Variants in SDHA observed in about 807,000 individuals in gnomAD.
SDHA encodes the protein succinate dehydrogenase [ubiquinone] flavoprotein subunit, mitochondrial.
SDHA carries 48 observed loss-of-function variants against 78.4 expected under a neutral mutation model. The ratio of observed to expected loss-of-function variants is 0.61; its 90% CI spans 0.49 to 0.78. The LOEUF is 0.78. Ranked by LOEUF, SDHA falls within the 30% of genes least tolerant of loss-of-function variation. SDHA has a pLI of 0.00. For missense variants in SDHA, 680 were observed against 892.7 expected (o/e 0.76, Z 3.04); for synonymous variants, 326 against 353.9 (o/e 0.92, Z 0.88).
chr5:235,276 G>T lies in SDHA; in HGVS notation c.1197G>T (p.Pro399=), dbSNP rs771919335. 1 of 1,614,024 alleles carries T rather than the reference G, an allele frequency of 6.2e-7. No individual in the cohort carries two copies. The highest frequency in any genetic ancestry group is 2.2e-5 in the East Asian group (1 of 44,866). Reference sequence around the variant, plus strand: ...CTGGCGTGGACGTCACGAAGGAGCCGATCCCTGTCCTCCCCACCGTGCATT... The same window carrying T: ...CTGGCGTGGACGTCACGAAGGAGCCTATCCCTGTCCTCCCCACCGTGCATT... The part of the protein sequence containing the change: ...IFAGVDVTKE[P]IPVLPTVHYN... The change falls in exon 9 of 15, where the codon CCG becomes CCT. Residue 399 remains proline, a synonymous_variant. Transcript: ENST00000264932.
At chr5:268,659 T>G in the SDHA span, among the ~76,000 whole-genome samples, 1 of 152,198 alleles carries the variant, frequency 6.6e-6, no homozygotes, top group South Asian at 2.1e-4. Context: ...GTGGATATGG[T>G]GCCTTGGCAT....
At chr5:262,512 G>A in the SDHA span, among the ~76,000 whole-genome samples, 7 of 151,858 alleles carry the variant, frequency 4.6e-5, no homozygotes, top group Non-Finnish European at 5.9e-5. Context: ...ACATGCGAAG[G>A]ATCTAGGTTA....
chr5:253,705 G>A (rs1736997777), intron 13 of SDHA, among the ~76,000 whole-genome samples: 1 of 152,118 alleles, frequency 6.6e-6, no homozygotes, highest in African/African-American at 2.4e-5. Context: ...AAAGTGCTAG[G>A]GTTACAGGCA....
rs1735353141 is a variant in SDHA at position 230,875 on chromosome 5, G to C, written c.771-1G>C. On this transcript the variant is annotated splice_acceptor_variant, in intron 6 of 14. Transcript: ENST00000264932. LOFTEE classifies it high-confidence loss of function. ...CAGTCACTGCTCTCTATTGTTTCCAGAGGCTACGGGCGCACCTACTTCAGC... is the reference window on the plus strand; with the variant it reads ...CAGTCACTGCTCTCTATTGTTTCCACAGGCTACGGGCGCACCTACTTCAGC... 1 of 1,613,584 alleles carries C rather than the reference G, an allele frequency of 6.2e-7. No homozygotes were observed. The highest frequency in any genetic ancestry group is 8.5e-7 in the Non-Finnish European group (1 of 1,179,564).
chr5:250,618 C>T, intron 11 of SDHA: 1 of 350,690 alleles, frequency 2.9e-6, no homozygotes, highest in Admixed American at 4.0e-5. Context: ...ACGTTCACCA[C>T]CAGACCCCGC....
At chr5:225,164 TC>T (rs1308342558) in intron 3 of SDHA, among the ~76,000 whole-genome samples, 1 of 152,164 alleles carries the variant, frequency 6.6e-6, no homozygotes, top group Non-Finnish European at 1.5e-5. Flanking sequence ...AGTCAGCCCT[TC>T]CTGGAGTTCC....
At chr5:246,221 A>G (rs62344300) in intron 11 of SDHA, among the ~76,000 whole-genome samples, 36,880 of 150,330 alleles carry the variant, frequency 0.25, 7,026 homozygotes, top group African/African-American at 0.54. Flanking sequence ...AAATAGAATC[A>G]ATGCAGAGAA....
the SDHA span, among the ~76,000 whole-genome samples, chr5:265,822 A>AG: frequency 1.4e-5 from 2 of 142,208 alleles, no homozygotes; most frequent in Non-Finnish European, 1.5e-5. Flanking sequence ...TTCTGTCTCA[A>AG]AAAAAAAAAA....
intron 11 of SDHA, among the ~76,000 whole-genome samples, chr5:247,846 G>A (rs376802152): frequency 5.3e-5 from 8 of 152,236 alleles, no homozygotes; most frequent in Middle Eastern, 3.4e-3. Context: ...TTCTCTATAC[G>A]GAATATTAAA....
At position 251,484 on chromosome 5, in the gene SDHA, A is replaced by G. The variant is rs1736830814; in HGVS notation, c.1794+16A>G. The G allele has an allele frequency of 6.2e-7, 1 of 1,613,746 alleles. No homozygotes were observed. On this transcript the variant is annotated intron_variant, in intron 13 of 14. Coordinates refer to ENST00000264932, the MANE Select transcript of SDHA (RefSeq NM_004168.4). The stretch of plus-strand genomic sequence containing the variant: ...AGACTACAAGGTGGGCCTTCTCACC[A>G]CGCCCACCTGCACCTGCCTTTTCCT...
At chr5:251,757 A>T in intron 13 of SDHA, 6 of 1,370,764 alleles carry the variant, frequency 4.4e-6, no homozygotes, top group Non-Finnish European at 5.8e-6. Flanking sequence ...TAGAGTGGCA[A>T]GACCAGGAAA....
chr5:236,403 T>G lies in SDHA; in HGVS notation c.1261-25T>G, dbSNP rs764665851. On this transcript the variant is annotated intron_variant, in intron 9 of 14. Coordinates refer to ENST00000264932, the MANE Select transcript of SDHA (RefSeq NM_004168.4). ...GTGGAGGCATGGGCACCTTGACATT[T>G]CACCTGAAATCTTCCTTTCCACAGG... The G allele has an allele frequency of 1.4e-5, 22 of 1,611,540 alleles. 1 individual carries two copies. The highest frequency in any genetic ancestry group is 3.6e-4 in the Middle Eastern group (2 of 5,606).
At chr5:258,178 A>G (rs1468402306), downstream of SDHA, among the ~76,000 whole-genome samples, 2 of 120,734 alleles carry the variant, frequency 1.7e-5, no homozygotes, top group Non-Finnish European at 3.2e-5. Flanking sequence ...ACCCCCTGCC[A>G]GAGCATTACT....
chr5:250,701 C>A (rs1471467735), intron 11 of SDHA: 2 of 400,032 alleles, frequency 5.0e-6, no homozygotes, highest in Non-Finnish European at 9.5e-6. Context: ...GAACATGGTG[C>A]CTCACAGGCA....
chr5:232,077 T>C (rs1021142242), intron 7 of SDHA, among the ~76,000 whole-genome samples: 2 of 152,214 alleles, frequency 1.3e-5, no homozygotes, highest in Non-Finnish European at 2.9e-5. Context: ...TCTGGGTTGC[T>C]TTTCTGACCT....
intron 7 of SDHA, among the ~76,000 whole-genome samples, chr5:232,383 G>A (rs985398949): frequency 6.6e-6 from 1 of 152,014 alleles, no homozygotes; most frequent in African/African-American, 2.4e-5. Flanking sequence ...GCTAATTTTC[G>A]AGGGTTTTTT....
At chr5:242,407 A>C (rs1332991151) in intron 11 of SDHA, among the ~76,000 whole-genome samples, 2 of 152,232 alleles carry the variant, frequency 1.3e-5, no homozygotes, top group Non-Finnish European at 2.9e-5. Flanking sequence ...TGCCTTAAGG[A>C]CATGTTCCTG....
intron 10 of SDHA, among the ~76,000 whole-genome samples, chr5:238,146 A>G (rs1243179105): frequency 7.9e-5 from 12 of 151,602 alleles, no homozygotes; most frequent in Non-Finnish European, 1.8e-4. Flanking sequence ...GTGGAGTCAG[A>G]CTCAAAAGGC....
intron 1 of SDHA, among the ~76,000 whole-genome samples, chr5:219,784 G>A (rs1217620193): frequency 6.6e-6 from 1 of 152,212 alleles, no homozygotes; most frequent in Non-Finnish European, 1.5e-5. Context: ...CCTCAACCCA[G>A]ATGGTGCCCG....
Sources: gnomAD v4.1 joint callset for allele counts (sites outside exome capture counted in the v4.1 genomes callset) on GRCh38, gnomAD v4.1.1 for gene constraint, MANE v1.5 for transcripts, NCBI Gene and HGNC (gene_info 2026-07-23, HGNC 2026-07-21) for gene names.